Variants in ZNF423 observed in about 807,000 individuals in gnomAD.
ZNF423 encodes Ebf-associated zinc finger protein.
In ZNF423, 12 loss-of-function variants were observed where a neutral mutation model predicts 95.8. The observed-to-expected ratio is 0.13, with a 90% CI of 0.08 to 0.20. ZNF423 has a LOEUF of 0.20. Among genes scored for constraint, ZNF423 ranks in the 10% least tolerant of loss-of-function variants. ZNF423 has a pLI of 1.00. For synonymous variants in ZNF423, 749 were observed against 711.9 expected (o/e 1.05, Z -0.83); for missense variants, 1,316 against 1,737.1 (o/e 0.76, Z 4.31).
intron 3 of ZNF423, among the ~76,000 whole-genome samples, chr16:49,694,197 G>C (rs1326893616): frequency 6.6e-6 from 1 of 152,192 alleles, no homozygotes; most frequent in Non-Finnish European, 1.5e-5. Flanking sequence ...TAGGAAGGGG[G>C]AGCAGGAGGG....
intron 1 of ZNF423, among the ~76,000 whole-genome samples, chr16:49,792,002 CAAAAAAAA>C (rs1227429391): frequency 2.8e-5 from 2 of 71,264 alleles, no homozygotes; most frequent in Non-Finnish European, 6.1e-5. Context: ...GACTCCATCT[CAAAAAAAA>C]AAAAAAAAAA....
intron 5 of ZNF423, among the ~76,000 whole-genome samples, chr16:49,575,001 A>C (rs1443729355): frequency 2.0e-5 from 3 of 152,124 alleles, no homozygotes; most frequent in Non-Finnish European, 4.4e-5. Flanking sequence ...GGCCCTGCCC[A>C]TGGAGCCCCT....
chr16:49,822,670 C>A (rs776265059), intron 1 of ZNF423: 2 of 1,611,860 alleles, frequency 1.2e-6, no homozygotes, highest in South Asian at 2.2e-5. Flanking sequence ...CCCTGCTCAC[C>A]CCTCTTCTTA....
chr16:49,534,900 G>A (rs1043072736), intron 5 of ZNF423, among the ~76,000 whole-genome samples: 4 of 152,126 alleles, frequency 2.6e-5, no homozygotes, highest in African/African-American at 4.8e-5. Flanking sequence ...CTTGTGGCTC[G>A]CTGCAGCTTC....
At chr16:49,853,982 A>C (rs2035329137) in intron 1 of ZNF423, 6 of 985,316 alleles carry the variant, frequency 6.1e-6, no homozygotes, top group Non-Finnish European at 7.2e-6. Context: ...GTCGCCTCTT[A>C]AGTGGCTCCT....
At chr16:49,642,801 C>CTTT (rs55662710) in intron 3 of ZNF423, among the ~76,000 whole-genome samples, 77 of 91,514 alleles carry the variant, frequency 8.4e-4, no homozygotes, top group South Asian at 1.2e-3. Flanking sequence ...GTTCTCTTTT[C>CTTT]TTTTTTTTTT....
At chr16:49,699,178 C>A (rs1324962447) in intron 3 of ZNF423, among the ~76,000 whole-genome samples, 1 of 152,204 alleles carries the variant, frequency 6.6e-6, no homozygotes, top group Non-Finnish European at 1.5e-5. Context: ...CCCAGGGGAG[C>A]TGGGCGAGGC....
At chr16:49,689,562 G>T (rs1383227626) in intron 3 of ZNF423, among the ~76,000 whole-genome samples, 1 of 152,106 alleles carries the variant, frequency 6.6e-6, no homozygotes. Context: ...ACCTCCAGGA[G>T]GTCGAGGGGT....
At chr16:49,808,153 C>T (rs1480656780) in intron 1 of ZNF423, among the ~76,000 whole-genome samples, 1 of 152,012 alleles carries the variant, frequency 6.6e-6, no homozygotes, top group Non-Finnish European at 1.5e-5. Context: ...CTTCGAGCTC[C>T]TGGGCTCAAA....
chr16:49,809,526 G>A (rs1342219786), intron 1 of ZNF423, among the ~76,000 whole-genome samples: 2 of 152,220 alleles, frequency 1.3e-5, no homozygotes, highest in Non-Finnish European at 2.9e-5. Flanking sequence ...CCCAGGTCCT[G>A]CTGGTCCTGG....
At position 49,637,639 on chromosome 16, in the gene ZNF423, C is replaced by T. The variant is rs1262871690; in HGVS notation, c.1537G>A (p.Gly513Ser). ...CCGTCAGAGGGGTTGGCGTTGGGGC[C>T]GCAGTGGGAGACGCGGATGTGCTCC... Reference protein sequence around the residue: ...LQEHIRVSHCGPNANPSDGNN... With the variant: ...LQEHIRVSHCSPNANPSDGNN... Residue 513 changes from glycine to serine, a missense_variant, in exon 4 of 8, where the codon GGC becomes AGC. Transcript: ENST00000563137. The surrounding 1 kb of genome is among the most constrained non-coding windows in gnomAD (Gnocchi z 5.6). The T allele has an allele frequency of 9.3e-6, 15 of 1,613,856 alleles. No homozygotes were observed. The highest frequency in any genetic ancestry group is 1.6e-4 in the Middle Eastern group (1 of 6,084).
At chr16:49,645,209 C>T (rs1039789681) in intron 3 of ZNF423, among the ~76,000 whole-genome samples, 2 of 152,186 alleles carry the variant, frequency 1.3e-5, no homozygotes, top group Non-Finnish European at 2.9e-5. Flanking sequence ...CTCTGCTGCC[C>T]CCATACAGAG....
chr16:49,620,770 C>A (rs1972049590), intron 5 of ZNF423, among the ~76,000 whole-genome samples: 1 of 152,202 alleles, frequency 6.6e-6, no homozygotes, highest in Admixed American at 6.5e-5. Flanking sequence ...AGGACAAGTT[C>A]TCAGACCCCT....
intron 7 of ZNF423, among the ~76,000 whole-genome samples, chr16:49,504,584 C>T (rs1441848994): frequency 3.3e-5 from 5 of 152,132 alleles, no homozygotes; most frequent in Non-Finnish European, 5.9e-5. Context: ...TCTGTCACCA[C>T]CACCAACAAC....
intron 1 of ZNF423, among the ~76,000 whole-genome samples, chr16:49,847,818 G>A (rs1463544934): frequency 1.3e-5 from 2 of 152,104 alleles, no homozygotes; most frequent in Non-Finnish European, 2.9e-5. Flanking sequence ...TGTACTTAAT[G>A]CCTCTGAAAA....
chr16:49,616,820 T>C (rs1486698844), intron 5 of ZNF423, among the ~76,000 whole-genome samples: 2 of 152,148 alleles, frequency 1.3e-5, no homozygotes, highest in African/African-American at 4.8e-5. Flanking sequence ...ACATCTGGTA[T>C]ATAGGCTTAG....
chr16:49,746,127 A>G (rs1438762174), intron 2 of ZNF423, among the ~76,000 whole-genome samples: 1 of 151,956 alleles, frequency 6.6e-6, no homozygotes. Flanking sequence ...AACATCCTAC[A>G]TCAACTCTGT....
intron 2 of ZNF423, among the ~76,000 whole-genome samples, chr16:49,763,404 G>C (rs1037725438): frequency 1.3e-5 from 2 of 151,898 alleles, no homozygotes; most frequent in Non-Finnish European, 2.9e-5. Flanking sequence ...TCAGCCTCCC[G>C]ACTGGGACTA....
intron 3 of ZNF423, chr16:49,711,710 A>C (rs2032548961): frequency 6.6e-6 from 1 of 152,258 alleles, no homozygotes; most frequent in Admixed American, 6.5e-5. Context: ...TATTACGTAA[A>C]GGTGTAGGAG....
Sources: allele counts gnomAD v4.1 joint callset (sites outside exome capture counted in the v4.1 genomes callset), GRCh38; gene constraint gnomAD v4.1.1; non-coding constraint Gnocchi (gnomAD v3.1); transcripts MANE v1.5; gene names NCBI Gene and HGNC (gene_info 2026-07-23, HGNC 2026-07-21).